The following SMCHD1 variants were observed in gnomAD, a reference collection of about 807,000 sequenced individuals.
The protein encoded by SMCHD1 is structural maintenance of chromosomes flexible hinge domain containing 1, also known as structural maintenance of chromosomes flexible hinge domain-containing protein 1.
SMCHD1 carries 78 observed loss-of-function variants against 254.7 expected under a neutral mutation model. That is an observed-to-expected ratio of 0.31 (90% CI 0.26 to 0.37). The LOEUF is 0.37. Among genes scored for constraint, SMCHD1 ranks in the 10% least tolerant of loss-of-function variants. The probability of loss-of-function intolerance (pLI) is 1.00; values close to 1 mark genes in which losing one functional copy is unlikely to be tolerated. For synonymous variants in SMCHD1, 766 were observed against 794.9 expected, an observed-to-expected ratio of 0.96 and a Z score of 0.61; for missense variants, 1,840 against 2,408.1, an observed-to-expected ratio of 0.76 and a Z score of 4.94.
chr18:2,803,286 A>G lies in SMCHD1; in HGVS notation c.*734A>G, dbSNP rs1259490918. The stretch of plus-strand genomic sequence containing the variant: ...CTATTGTTTGTTTGACTTTATTAAT[A>G]CTAGAATATGTAGTCTCAGCCTTAA... On this transcript the variant is annotated 3_prime_UTR_variant, in exon 48 of 48. Transcript: ENST00000320876. 1 of 149,910 alleles carries G rather than the reference A, an allele frequency of 6.7e-6. No individual in the cohort carries two copies. The highest frequency in any genetic ancestry group is 1.5e-5 in the Non-Finnish European group (1 of 67,566). 9.3% of individuals were successfully genotyped at this position (149,910 alleles called of 1,614,324 possible).
Position 2,769,699 on chromosome 18 carries a change from G to A in SMCHD1, c.4725G>A (p.Leu1575=). The change falls in exon 38 of 48, where the codon CTG becomes CTA. Residue 1575 remains leucine, a synonymous_variant. Coordinates refer to ENST00000320876, the MANE Select transcript of SMCHD1 (RefSeq NM_015295.3). ...FVNGSAEIMS[L]VLAESSPGRD... ...TTGTTTGTTTATATGTACAGAGTCT[G>A]GTGCTGGCAGAAAGTAGTCCTGGAA... The A allele has an allele frequency of 1.3e-6, 2 of 1,597,866 alleles. No homozygotes were observed. The highest frequency in any genetic ancestry group is 1.7e-4 in the Middle Eastern group (1 of 6,034).
At chr18:2,750,189 T>C (rs1489997333) in intron 31 of SMCHD1, 67 bp downstream of exon 31, 1 of 1,465,628 alleles carries the variant, frequency 6.8e-7, no homozygotes, top group Non-Finnish European at 9.3e-7. Context: ...CTTGCCGAAG[T>C]TACAGCTAAT....
chr18:2,661,496 A>C (rs1178336237), intron 1 of SMCHD1, among the ~76,000 whole-genome samples: 1 of 151,984 alleles, frequency 6.6e-6, no homozygotes, highest in Admixed American at 6.6e-5. Context: ...TGGGTTTTTA[A>C]TATGGATTAA....
rs777333565 is a variant in SMCHD1, at chr18:2,740,662, A to G, written c.3515-41A>G. The G allele has an allele frequency of 2.2e-5, 24 of 1,114,970 alleles. No homozygotes were observed. In the East Asian group the frequency reaches 2.3e-4, roughly 10 times the overall value. 69.1% of individuals were successfully genotyped at this position (1,114,970 alleles called of 1,614,324 possible). A position where few individuals can be genotyped will look rare whatever the true frequency, so the allele number is the denominator to read the frequency against. ...TGTATTGTAGATATTTATATCTTCT[A>G]TTAAAAGATAATACTAAAATAAAAC... On this transcript the variant is annotated intron_variant, in intron 27 of 47. Coordinates refer to ENST00000320876, the MANE Select transcript of SMCHD1 (RefSeq NM_015295.3).
intron 13 of SMCHD1, among the ~76,000 whole-genome samples, chr18:2,704,636 G>A (rs921655083): frequency 2.0e-5 from 3 of 149,298 alleles, no homozygotes; most frequent in Non-Finnish European, 3.0e-5. Context: ...TTGGTTGGTC[G>A]TGTGGGCTGG....
At chr18:2,714,685 T>C (rs1385812126) in intron 17 of SMCHD1, among the ~76,000 whole-genome samples, 2 of 152,158 alleles carry the variant, frequency 1.3e-5, no homozygotes, top group Admixed American at 6.5e-5. Flanking sequence ...ATGGCTAGTA[T>C]TGACCATTTG....
chr18:2,775,565 A>G (rs1489455943), intron 41 of SMCHD1, among the ~76,000 whole-genome samples, 169 bp from the exon 42 acceptor site: 33 of 152,198 alleles, frequency 2.2e-4, no homozygotes, highest in Admixed American at 2.2e-3. Context: ...ATTTAATATC[A>G]GAATACAATG....
At chr18:2,698,627 C>G (rs2074333790) in intron 10 of SMCHD1, among the ~76,000 whole-genome samples, 1 of 152,074 alleles carries the variant, frequency 6.6e-6, no homozygotes, top group South Asian at 2.1e-4. Flanking sequence ...CTTGGCCTCC[C>G]AAAGTACTAG....
At chr18:2,724,006 G>A (rs918861382) in intron 20 of SMCHD1, among the ~76,000 whole-genome samples, 21 of 151,036 alleles carry the variant, frequency 1.4e-4, no homozygotes, top group East Asian at 5.8e-4. Flanking sequence ...CTTCCTTTCC[G>A]TTTTTTCTTT....
intron 37 of SMCHD1, chr18:2,764,015 T>C: frequency 2.5e-6 from 1 of 407,846 alleles, no homozygotes; most frequent in Non-Finnish European, 4.3e-6. Context: ...TCTCTGATTC[T>C]AGTTGTTTTT....
At chr18:2,658,186 C>A (rs1000200051) in intron 1 of SMCHD1, among the ~76,000 whole-genome samples, 1 of 152,172 alleles carries the variant, frequency 6.6e-6, no homozygotes, top group South Asian at 2.1e-4. Context: ...ATCTTTAAAG[C>A]TCTTGTTTCG....
At chr18:2,690,625 C>G (rs1402006610) in intron 7 of SMCHD1, among the ~76,000 whole-genome samples, 1 of 151,784 alleles carries the variant, frequency 6.6e-6, no homozygotes, top group Admixed American at 6.6e-5. Context: ...GCACATGCCA[C>G]CACACCTGGC....
chr18:2,694,497 A>T, intron 7 of SMCHD1, 30 bp from the exon 8 acceptor site: 1 of 1,472,226 alleles, frequency 6.8e-7, no homozygotes, highest in Non-Finnish European at 9.2e-7. Flanking sequence ...TAGATGATTT[A>T]ATCTGTTGTA....
At chr18:2,712,118 T>C (rs145819701) in intron 17 of SMCHD1, among the ~76,000 whole-genome samples, 219 of 152,298 alleles carry the variant, frequency 1.4e-3, no homozygotes, top group African/African-American at 4.8e-3. Flanking sequence ...AACAACACTA[T>C]ATAGACTAAG....
In SMCHD1 at chr18:2,679,143, G is replaced by GC. The variant is rs578095868; in HGVS notation, c.638+5002dup. Among the ~76,000 whole-genome samples the GC allele has an allele frequency of 2.4e-3, 359 of 149,268 alleles. 3 individuals carry two copies. Among genetic ancestry groups the GC allele is most frequent in the African/African-American group, 8.0e-3 (327 of 40,992 alleles). On this transcript the variant is annotated intron_variant, in intron 5 of 47. Coordinates refer to ENST00000320876, the MANE Select transcript of SMCHD1 (RefSeq NM_015295.3). Reference sequence around the variant, plus strand: ...TTACAAGTGTGAGCCACCGCACCCGGCCCCTTTCCATTATTTTTGAAGGCT... The same window carrying GC: ...TTACAAGTGTGAGCCACCGCACCCGGCCCCCTTTCCATTATTTTTGAAGGCT...
At chr18:2,734,050 A>G (rs1193955541) in intron 25 of SMCHD1, among the ~76,000 whole-genome samples, 1 of 152,202 alleles carries the variant, frequency 6.6e-6, no homozygotes, top group African/African-American at 2.4e-5. Context: ...TGGTAATTCA[A>G]AAGGATTATT....
intron 5 of SMCHD1, among the ~76,000 whole-genome samples, chr18:2,681,394 C>T (rs1183181177): frequency 8.4e-6 from 1 of 118,586 alleles, no homozygotes; most frequent in East Asian, 2.4e-4. Flanking sequence ...GCCTGGGTGA[C>T]AGAATGAGAC....
intron 37 of SMCHD1, among the ~76,000 whole-genome samples, chr18:2,767,841 C>T (rs984731540): frequency 3.3e-5 from 5 of 151,802 alleles, no homozygotes; most frequent in Non-Finnish European, 5.9e-5. Context: ...CCACCCACCT[C>T]GGCCTCCCAA....
chr18:2,656,817 C>T (rs920007409), intron 1 of SMCHD1, among the ~76,000 whole-genome samples: 1 of 152,130 alleles, frequency 6.6e-6, no homozygotes, highest in African/African-American at 2.4e-5. Flanking sequence ...TCCTTCCGCA[C>T]GGAGACACTT....
Sources: allele counts gnomAD v4.1 joint callset (sites outside exome capture counted in the v4.1 genomes callset), GRCh38; gene constraint gnomAD v4.1.1; transcripts MANE v1.5; gene names NCBI Gene and HGNC (gene_info 2026-07-23, HGNC 2026-07-21).